Variants in ITGAV observed in about 807,000 individuals in gnomAD.
ITGAV encodes the protein integrin alpha-V.
ITGAV carries 76 observed loss-of-function variants against 143.8 expected under a neutral mutation model. The ratio of observed to expected loss-of-function variants is 0.53; its 90% CI spans 0.44 to 0.64. The LOEUF (loss-of-function observed/expected upper bound fraction) is 0.64. ITGAV is among the 30% of genes least tolerant of loss of function. The probability of loss-of-function intolerance (pLI) is 0.00; values close to 1 mark genes in which losing one functional copy is unlikely to be tolerated. For synonymous variants in ITGAV, 453 were observed against 446.7 expected, an observed-to-expected ratio of 1.01 and a Z score of -0.18; for missense variants, 1,193 against 1,274.7, an observed-to-expected ratio of 0.94 and a Z score of 0.98.
intron 1 of ITGAV, 125 bp downstream of exon 1, chr2:186,590,648 C>G (rs965675805): frequency 1.2e-6 from 1 of 859,546 alleles, no homozygotes; most frequent in Non-Finnish European, 1.7e-6. Flanking sequence ...CATCCTACCT[C>G]TCAGAGTGGT....
intron 1 of ITGAV, among the ~76,000 whole-genome samples, chr2:186,599,224 A>G (rs1686830190): frequency 6.6e-6 from 1 of 152,106 alleles, no homozygotes. Context: ...ATTTCCTCCT[A>G]TATTTCAATC....
At chr2:186,595,812 A>G (rs567625745) in intron 1 of ITGAV, among the ~76,000 whole-genome samples, 1 of 152,258 alleles carries the variant, frequency 6.6e-6, no homozygotes, top group East Asian at 1.9e-4. Context: ...CTTCAGATTT[A>G]CACTGCTAAT....
intron 12 of ITGAV, among the ~76,000 whole-genome samples, chr2:186,644,669 A>G (rs1247535067): frequency 6.6e-6 from 1 of 152,170 alleles, no homozygotes; most frequent in African/African-American, 2.4e-5. Flanking sequence ...ATACTTTTAC[A>G]TAAGTTAGGT....
At chr2:186,603,831 C>G (rs751658293) in intron 2 of ITGAV, among the ~76,000 whole-genome samples, 14 of 151,360 alleles carry the variant, frequency 9.2e-5, no homozygotes, top group Non-Finnish European at 1.8e-4. Context: ...ATGAAACATA[C>G]AACTCACATC....
intron 11 of ITGAV, 65 bp from the exon 12 acceptor site, chr2:186,641,321 A>T (rs192159393): frequency 9.9e-5 from 128 of 1,296,404 alleles, no homozygotes; most frequent in Non-Finnish European, 1.4e-4. Flanking sequence ...TTGTAGTAAG[A>T]AAGAAAATGC....
intron 1 of ITGAV, among the ~76,000 whole-genome samples, chr2:186,597,007 C>T (rs1686766035): frequency 1.3e-5 from 2 of 152,242 alleles, no homozygotes; most frequent in Admixed American, 1.3e-4. Context: ...AGCATTTCAC[C>T]AGTATGCAAG....
Position 186,668,816 on chromosome 2 carries a change from C to G in ITGAV, c.2488C>G (p.Pro830Ala). 1 of 1,613,456 alleles carries G rather than the reference C, an allele frequency of 6.2e-7. No homozygotes were observed. The change falls in exon 25 of 30, where the codon CCT becomes GCT. Residue 830 changes from proline (P) to alanine (A), a missense_variant. Coordinates refer to ENST00000261023, the MANE Select transcript of ITGAV (RefSeq NM_002210.5). ...FSKAMLHLQW[P>A]YKYNNNTLLY... is the part of the protein sequence containing the mutation. ...CAAGGCAATGCTCCATCTTCAGTGG[C>G]CTTACAAATATAATAATAACACTCT...
At chr2:186,628,575 A>G (rs1320920371) in intron 4 of ITGAV, among the ~76,000 whole-genome samples, 1 of 152,092 alleles carries the variant, frequency 6.6e-6, no homozygotes, top group African/African-American at 2.4e-5. Flanking sequence ...CCAGCTAGTA[A>G]ATAAGAGAGT....
chr2:186,641,107 C>T (rs994024873), intron 11 of ITGAV, 140 bp downstream of exon 11: 4 of 738,596 alleles, frequency 5.4e-6, no homozygotes, highest in Non-Finnish European at 8.9e-6. Context: ...TTGAAGCAAC[C>T]TTAATCATGA....
At chr2:186,643,059 T>G (rs1172011801) in intron 12 of ITGAV, among the ~76,000 whole-genome samples, 1 of 152,222 alleles carries the variant, frequency 6.6e-6, no homozygotes, top group Non-Finnish European at 1.5e-5. Context: ...GGTTCCATCA[T>G]GAATAAAGTT....
chr2:186,638,631 C>CGTGT (rs34535817), intron 10 of ITGAV, among the ~76,000 whole-genome samples, 166 bp downstream of exon 10: 17,144 of 144,578 alleles, frequency 0.12, 1,142 homozygotes, highest in Middle Eastern at 0.15. Context: ...CTCTTTTGAG[C>CGTGT]GTGTGTGTGT....
At chr2:186,646,595 C>G in intron 12 of ITGAV, 91 bp from the exon 13 acceptor site, 1 of 849,486 alleles carries the variant, frequency 1.2e-6, no homozygotes, top group African/African-American at 1.7e-5. Flanking sequence ...CCCTCTTCCC[C>G]CCTTCTCTCG....
chr2:186,678,837 A>T lies in ITGAV; in HGVS notation c.*1545A>T. ...AAATATTTCCCTTAAATAATTGACT[A>T]TTTTGCTGTGTTTTAAAAATGATTG... On this transcript the variant is annotated 3_prime_UTR_variant, in exon 30 of 30. Transcript: ENST00000261023. 1 of 420,294 alleles carries T rather than the reference A, an allele frequency of 2.4e-6. No individual in the cohort carries two copies. Among genetic ancestry groups the T allele is most frequent in the Non-Finnish European group, 4.7e-6 (1 of 212,980 alleles). 26.0% of individuals were successfully genotyped at this position (420,294 alleles called of 1,614,324 possible).
At chr2:186,632,587 T>C (rs1057350095) in intron 5 of ITGAV, among the ~76,000 whole-genome samples, 3 of 152,160 alleles carry the variant, frequency 2.0e-5, no homozygotes, top group African/African-American at 7.2e-5. Flanking sequence ...TAGTTAAATA[T>C]AAGAAATGCT....
At chr2:186,659,504 ATATCTGT>A (rs1425209332) in intron 18 of ITGAV, among the ~76,000 whole-genome samples, 1 of 151,960 alleles carries the variant, frequency 6.6e-6, no homozygotes, top group Non-Finnish European at 1.5e-5. Flanking sequence ...AATATATTTG[ATATCTGT>A]TATTTTTGAT....
intron 4 of ITGAV, among the ~76,000 whole-genome samples, chr2:186,627,280 G>A (rs1176750184): frequency 6.6e-6 from 1 of 152,220 alleles, no homozygotes; most frequent in Non-Finnish European, 1.5e-5. Flanking sequence ...GAGTAAGTCA[G>A]TGTTGATGTT....
At chr2:186,662,599 A>G (rs1688778412) in intron 18 of ITGAV, among the ~76,000 whole-genome samples, 1 of 152,240 alleles carries the variant, frequency 6.6e-6, no homozygotes, top group Admixed American at 6.5e-5. Flanking sequence ...ACTGTGAATT[A>G]TATGAATTGT....
chr2:186,669,059 G>A (rs1345299040), intron 25 of ITGAV, 139 bp downstream of exon 25: 11 of 652,714 alleles, frequency 1.7e-5, no homozygotes, highest in Non-Finnish European at 2.8e-5. Context: ...TTCATAAGCA[G>A]TACACTTAGG....
In ITGAV at chr2:186,669,736, G is replaced by A. The variant is rs200927719; in HGVS notation, c.2628G>A (p.Thr876=). The A allele has an allele frequency of 9.9e-6, 16 of 1,614,042 alleles. No individual in the cohort carries two copies. The highest frequency in any genetic ancestry group is 8.0e-5 in the African/African-American group (6 of 75,020). Residue 876 remains threonine (T), a synonymous_variant, in exon 26 of 30, where the codon ACG becomes ACA. Transcript: ENST00000261023. ...SSLQTTEKND[T]VAGQGERDHL... ...TGCAAACAACTGAAAAGAATGACAC[G>A]GTTGCCGGGCAAGGTGAGCGGGACC...
Sources: allele counts gnomAD v4.1 joint callset (sites outside exome capture counted in the v4.1 genomes callset), GRCh38; gene constraint gnomAD v4.1.1; transcripts MANE v1.5; gene names NCBI Gene and HGNC (gene_info 2026-07-23, HGNC 2026-07-21).